The following GABRG1 variants were observed in gnomAD, a reference collection of about 807,000 sequenced individuals.
GABRG1 encodes the protein gamma-aminobutyric acid receptor subunit gamma-1.
A neutral mutation model predicts 49.8 loss-of-function variants in GABRG1; 49 were observed. The observed-to-expected ratio is 0.98, with a 90% CI of 0.78 to 1.25. The LOEUF is 1.25. Among genes scored for constraint, GABRG1 ranks in the 50% most tolerant of loss-of-function variants. The pLI, the probability that GABRG1 is intolerant of heterozygous loss-of-function variation, is 0.00. For synonymous variants in GABRG1, 232 were observed against 185.1 expected, an observed-to-expected ratio of 1.25 and a Z score of -2.06; for missense variants, 552 against 552.3, an observed-to-expected ratio of 1.00 and a Z score of 0.01.
At chr4:46,103,349 A>C (rs1720443464) in intron 1 of GABRG1, among the ~76,000 whole-genome samples, 1 of 151,646 alleles carries the variant, frequency 6.6e-6, no homozygotes, top group South Asian at 2.1e-4. Context: ...GTATATGTAC[A>C]GAAAAAATTC....
intron 3 of GABRG1, among the ~76,000 whole-genome samples, chr4:46,071,897 A>G (rs1719139263): frequency 6.6e-6 from 1 of 152,062 alleles, no homozygotes. Context: ...GAAAGAAATT[A>G]AAAAATTAAT....
rs182414136 is a variant in GABRG1, at chr4:46,075,497, G to C, written c.321+8489C>G. On this transcript the variant is annotated intron_variant, in intron 3 of 8. Coordinates refer to ENST00000295452, the MANE Select transcript of GABRG1 (RefSeq NM_173536.4). ...AGGCGTGAGCCACTGTGCCCAGCCA[G>C]CATTTTCAAAATTCTAATTCCAGGA... is the stretch of plus-strand genomic sequence containing the variant. 4.4e-4 allele frequency among the ~76,000 whole-genome samples: 67 copies of C among 152,082 alleles called. 1 individual carries two copies. In the East Asian group the frequency reaches 0.012, roughly 28 times the overall value.
At position 46,037,538 on chromosome 4, in the gene GABRG1, A is replaced by G. The variant is rs1394991712; in HGVS notation, c.*3450T>C. 1 of 151,778 alleles carries G rather than the reference A, an allele frequency of 6.6e-6. No individual in the cohort carries two copies. Among genetic ancestry groups the G allele is most frequent in the Non-Finnish European group, 1.5e-5 (1 of 67,842 alleles). 9.4% of individuals were successfully genotyped at this position (151,778 alleles called of 1,614,324 possible). On this transcript the variant is annotated 3_prime_UTR_variant, in exon 9 of 9. Transcript: ENST00000295452. ...AGGTCAGAAATAAATGTTTCTAGTGAGACAAGCAGTAAAGGCTTAAGAGTC... is the reference window on the plus strand; with the variant it reads ...AGGTCAGAAATAAATGTTTCTAGTGGGACAAGCAGTAAAGGCTTAAGAGTC...
rs530565555 is a variant in GABRG1 at position 46,086,472 on chromosome 4, A to T, written c.254-2419T>A. ...GACACACTATTCTAATTTCACTAAG[A>T]TATCTTTAGCAGATTATGTAGCTTT... On this transcript the variant is annotated intron_variant, in intron 2 of 8. Coordinates refer to ENST00000295452, the MANE Select transcript of GABRG1 (RefSeq NM_173536.4). Among the ~76,000 whole-genome samples the T allele has an allele frequency of 5.8e-4, 88 of 151,652 alleles. 1 individual carries two copies. Among genetic ancestry groups the T allele is most frequent in the African/African-American group, 2.1e-3 (86 of 41,514 alleles).
chr4:46,066,503 A>G (rs1215134815), intron 3 of GABRG1, among the ~76,000 whole-genome samples: 1 of 152,174 alleles, frequency 6.6e-6, no homozygotes, highest in Non-Finnish European at 1.5e-5. Flanking sequence ...AGAAATATAA[A>G]ATAATTCTTC....
intron 1 of GABRG1, among the ~76,000 whole-genome samples, chr4:46,100,910 TTATC>T (rs1194977638): frequency 6.6e-5 from 10 of 151,208 alleles, no homozygotes; most frequent in Non-Finnish European, 1.2e-4. Flanking sequence ...TATAGGTAAT[TTATC>T]TACACCTTTT....
intron 8 of GABRG1, among the ~76,000 whole-genome samples, chr4:46,050,473 C>T (rs1048202008): frequency 7.2e-5 from 11 of 151,858 alleles, no homozygotes; most frequent in Non-Finnish European, 1.3e-4. Flanking sequence ...ATTATATATA[C>T]ATTAAGGTAG....
intron 2 of GABRG1, among the ~76,000 whole-genome samples, chr4:46,093,011 T>C (rs979544530): frequency 2.7e-5 from 4 of 149,080 alleles, no homozygotes; most frequent in Admixed American, 6.8e-5. Flanking sequence ...GGAGGTTGCA[T>C]TGAGCCAAGA....
In GABRG1 at chr4:46,041,196, G is replaced by T; in HGVS notation, c.1190C>A (p.Pro397Gln). Residue 397 changes from proline to glutamine, a missense_variant, in exon 9 of 9, where the codon CCG becomes CAG. Physicochemically the swap from Pro to Gln is moderately conservative, Grantham distance 76. Coordinates refer to ENST00000295452, the MANE Select transcript of GABRG1 (RefSeq NM_173536.4). ...CTGATACCCATAATCATCTTCTTGC[G>T]GCACAGAAATATTATTCATTGGAAT... ...TLIPMNNISV[P>Q]QEDDYGYQCL... 1 of 1,612,714 alleles carries T rather than the reference G, an allele frequency of 6.2e-7. No individual in the cohort carries two copies. The highest frequency in any genetic ancestry group is 8.5e-7 in the Non-Finnish European group (1 of 1,179,218).
chr4:46,081,202 G>T (rs1719555638), intron 3 of GABRG1, among the ~76,000 whole-genome samples: 2 of 151,602 alleles, frequency 1.3e-5, no homozygotes, highest in East Asian at 3.9e-4. Context: ...TTCACTTTAA[G>T]GCTGTTTTCC....
intron 5 of GABRG1, among the ~76,000 whole-genome samples, chr4:46,059,774 T>C (rs1718602793): frequency 6.6e-6 from 1 of 152,142 alleles, no homozygotes; most frequent in African/African-American, 2.4e-5. Flanking sequence ...TTCTCATTAA[T>C]CTTGATAAAT....
intron 2 of GABRG1, among the ~76,000 whole-genome samples, chr4:46,091,143 T>C (rs1719976046): frequency 6.6e-6 from 1 of 152,012 alleles, no homozygotes; most frequent in African/African-American, 2.4e-5. Flanking sequence ...TTTAGGGATG[T>C]CTGACTAACA....
At chr4:46,081,463 G>A (rs1374477437) in intron 3 of GABRG1, among the ~76,000 whole-genome samples, 3 of 151,832 alleles carry the variant, frequency 2.0e-5, no homozygotes, top group African/African-American at 7.2e-5. Context: ...AAAAGTTAAT[G>A]AGAGTCATGT....
At chr4:46,075,766 G>T (rs2109416791) in intron 3 of GABRG1, among the ~76,000 whole-genome samples, 1 of 152,130 alleles carries the variant, frequency 6.6e-6, no homozygotes, top group African/African-American at 2.4e-5. Flanking sequence ...AGAATTCCAG[G>T]ACATTTAAGT....
At chr4:46,051,834 C>A (rs1049225460) in intron 7 of GABRG1, among the ~76,000 whole-genome samples, 196 bp from the exon 8 acceptor site, 1 of 151,986 alleles carries the variant, frequency 6.6e-6, no homozygotes, top group African/African-American at 2.4e-5. Context: ...GAGTTCTAAT[C>A]ATTTAAATTA....
intron 3 of GABRG1, among the ~76,000 whole-genome samples, chr4:46,078,922 T>A (rs140760212): frequency 6.6e-6 from 1 of 152,096 alleles, no homozygotes; most frequent in African/African-American, 2.4e-5. Flanking sequence ...TTAGTAATCA[T>A]AGCCTATCTA....
rs979560396 is a variant in GABRG1, at chr4:46,038,627, C to T, written c.*2361G>A. 6.6e-6 allele frequency: 1 copy of T among 151,394 alleles called. No individual in the cohort carries two copies. The highest frequency in any genetic ancestry group is 1.5e-5 in the Non-Finnish European group (1 of 67,610). The allele number at this position is 151,394 out of a possible 1,614,324, so 9.4% of individuals were successfully genotyped here. A position where few individuals can be genotyped will look rare whatever the true frequency, so the allele number is the denominator to read the frequency against. On this transcript the variant is annotated 3_prime_UTR_variant, in exon 9 of 9. Coordinates refer to ENST00000295452, the MANE Select transcript of GABRG1 (RefSeq NM_173536.4). ...AGGAACAGGAAATGAACTGAATCAG[C>T]TTTGAAAAAAAGCTGTATTTGATTT...
chr4:46,101,706 G>A (rs1280347450), intron 1 of GABRG1, among the ~76,000 whole-genome samples: 1 of 151,418 alleles, frequency 6.6e-6, no homozygotes, highest in Non-Finnish European at 1.5e-5. Context: ...TGCTTATCAC[G>A]GTATTACCTA....
chr4:46,093,735 A>G (rs1413079230), intron 2 of GABRG1, among the ~76,000 whole-genome samples: 1 of 152,032 alleles, frequency 6.6e-6, no homozygotes, highest in African/African-American at 2.4e-5. Context: ...CTATGTATCC[A>G]TAAAAATAAA....
Sources: gnomAD v4.1 joint callset for allele counts (sites outside exome capture counted in the v4.1 genomes callset) on GRCh38, gnomAD v4.1.1 for gene constraint, MANE v1.5 for transcripts, NCBI Gene and HGNC (gene_info 2026-07-23, HGNC 2026-07-21) for gene names.